Variants in CTNNBIP1 observed in about 807,000 individuals in gnomAD.
CTNNBIP1 encodes the protein catenin beta interacting protein 1.
CTNNBIP1 carries 7 observed loss-of-function variants against 11.8 expected under a neutral mutation model. That is an observed-to-expected ratio of 0.60 (90% CI 0.34 to 1.12). CTNNBIP1 has a LOEUF of 1.12. CTNNBIP1 is among the 50% of genes most tolerant of loss of function. The pLI is 0.03. For missense variants in CTNNBIP1, 101 were observed against 113.4 expected (o/e 0.89, Z 0.50); for synonymous variants, 58 against 43.9 (o/e 1.32, Z -1.26).
intron 1 of CTNNBIP1, among the ~76,000 whole-genome samples, chr1:9,895,658 G>A (rs960705886): frequency 4.0e-5 from 6 of 151,798 alleles, no homozygotes; most frequent in African/African-American, 1.5e-4. Flanking sequence ...ACCATGCCCA[G>A]CTAATTTTTT....
intron 1 of CTNNBIP1, among the ~76,000 whole-genome samples, chr1:9,890,010 T>G (rs1306008026): frequency 6.6e-6 from 1 of 152,198 alleles, no homozygotes; most frequent in African/African-American, 2.4e-5. Flanking sequence ...ATGGCCTCAC[T>G]TCAGATAATC....
At chr1:9,905,690 A>T (rs1045405199) in intron 1 of CTNNBIP1, among the ~76,000 whole-genome samples, 2 of 149,754 alleles carry the variant, frequency 1.3e-5, no homozygotes, top group African/African-American at 4.9e-5. Context: ...TCGGCCTCCC[A>T]AAGTGCTGGG....
intron 1 of CTNNBIP1, among the ~76,000 whole-genome samples, chr1:9,903,918 T>G (rs187007434): frequency 6.6e-6 from 1 of 152,178 alleles, no homozygotes; most frequent in South Asian, 2.1e-4. Flanking sequence ...TACTGCCTGG[T>G]TTGAATCTGA....
intron 5 of CTNNBIP1, among the ~76,000 whole-genome samples, chr1:9,855,442 T>C (rs189351589): frequency 2.0e-4 from 30 of 152,256 alleles, no homozygotes; most frequent in African/African-American, 7.2e-4. Flanking sequence ...GACAGACATA[T>C]AGATCAGTGG....
At chr1:9,854,437 A>G (rs1638461279) in intron 5 of CTNNBIP1, among the ~76,000 whole-genome samples, 1 of 151,850 alleles carries the variant, frequency 6.6e-6, no homozygotes. Flanking sequence ...AACGGCATCT[A>G]TGAAAATCCC....
At chr1:9,882,652 A>G (rs888656682) in intron 2 of CTNNBIP1, among the ~76,000 whole-genome samples, 4 of 152,142 alleles carry the variant, frequency 2.6e-5, no homozygotes, top group African/African-American at 9.7e-5. Flanking sequence ...GTGGAGCAGC[A>G]GGAAGCAGGA....
intron 5 of CTNNBIP1, among the ~76,000 whole-genome samples, chr1:9,855,842 C>T (rs552493380): frequency 4.6e-5 from 7 of 151,968 alleles, no homozygotes; most frequent in Admixed American, 1.3e-4. Flanking sequence ...ATTCTCTCAC[C>T]TCAGCCTCCT....
intron 2 of CTNNBIP1, among the ~76,000 whole-genome samples, chr1:9,880,910 G>A (rs982748585): frequency 8.5e-5 from 13 of 152,182 alleles, no homozygotes; most frequent in Admixed American, 2.0e-4. Flanking sequence ...CCTCTATCAC[G>A]TCTTCCCTCA....
intron 5 of CTNNBIP1, among the ~76,000 whole-genome samples, chr1:9,865,046 T>C (rs1367160141): frequency 6.6e-6 from 1 of 151,380 alleles, no homozygotes; most frequent in Non-Finnish European, 1.5e-5. Context: ...CTGGCCAACA[T>C]GGTGAAACCC....
intron 5 of CTNNBIP1, among the ~76,000 whole-genome samples, chr1:9,861,783 C>A (rs1195463306): frequency 6.6e-6 from 1 of 152,230 alleles, no homozygotes; most frequent in Non-Finnish European, 1.5e-5. Flanking sequence ...AGTACCAAGA[C>A]CCTGGAGCTG....
chr1:9,878,461 A>G (rs551822843), intron 2 of CTNNBIP1, among the ~76,000 whole-genome samples: 5 of 152,312 alleles, frequency 3.3e-5, no homozygotes, highest in South Asian at 2.1e-4. Context: ...CAGTGCATGT[A>G]TATGTGTCTG....
At position 9,872,306 on chromosome 1, in the gene CTNNBIP1, G is replaced by A. The variant is rs538533805; in HGVS notation, c.-24-218C>T. 1.3e-5 allele frequency among the ~76,000 whole-genome samples: 2 copies of A among 152,326 alleles called. No homozygotes were observed. The highest frequency in any genetic ancestry group is 2.4e-5 in the African/African-American group (1 of 41,576). Reference sequence around the variant, plus strand: ...GCAGCTCTGTTCTCCAGCAGGCGCTGCAAGGGCTGGCCTGCCTGCTGCCTC... The same window carrying A: ...GCAGCTCTGTTCTCCAGCAGGCGCTACAAGGGCTGGCCTGCCTGCTGCCTC... On this transcript the variant is annotated intron_variant, in intron 3 of 5. Transcript: ENST00000377263. The surrounding 1 kb of genome is among the most constrained non-coding windows in gnomAD (Gnocchi z 4.0).
intron 1 of CTNNBIP1, among the ~76,000 whole-genome samples, chr1:9,891,635 A>G (rs959932680): frequency 3.3e-5 from 5 of 152,128 alleles, no homozygotes; most frequent in Admixed American, 1.3e-4. Flanking sequence ...ACGCTTCCCA[A>G]TCAAACTCTT....
Position 9,899,957 on chromosome 1 carries a change from C to T in CTNNBIP1, c.-144+10138G>A, listed in dbSNP as rs975331219. Among the ~76,000 whole-genome samples the T allele has an allele frequency of 2.6e-5, 4 of 151,986 alleles. No individual in the cohort carries two copies. The East Asian group carries it at 7.7e-4, about 29-fold the overall frequency. On this transcript the variant is annotated intron_variant, in intron 1 of 5. Coordinates refer to ENST00000377263, the MANE Select transcript of CTNNBIP1 (RefSeq NM_020248.3). ...AGCCTGGTGGCACATGCCTGTAATC[C>T]CAGGTACTCGGGAGGCTGAGGCAGG...
At chr1:9,894,976 C>T (rs1446975250) in intron 1 of CTNNBIP1, among the ~76,000 whole-genome samples, 4 of 145,254 alleles carry the variant, frequency 2.8e-5, no homozygotes, top group Non-Finnish European at 5.9e-5. Flanking sequence ...GGTGCAATCT[C>T]GGCTCACTGC....
chr1:9,899,863 C>T (rs541043285), intron 1 of CTNNBIP1, among the ~76,000 whole-genome samples: 58 of 150,758 alleles, frequency 3.8e-4, no homozygotes, highest in African/African-American at 1.4e-3. Flanking sequence ...CACCTGAGGT[C>T]AGGGGTTCGA....
Position 9,893,916 on chromosome 1 carries a change from TAAGA to T in CTNNBIP1, c.-143-10182_-143-10179del, listed in dbSNP as rs947509284. 9.2e-5 allele frequency among the ~76,000 whole-genome samples: 14 copies of T among 152,234 alleles called. No individual in the cohort carries two copies. The East Asian group carries it at 2.5e-3, about 27-fold the overall frequency. ...ATAACTCACCCAAAAAAGAAGTTCC[TAAGA>T]GAGAGGGAAACTGACTATTGTACAT... On this transcript the variant is annotated intron_variant, in intron 1 of 5. Coordinates refer to ENST00000377263, the MANE Select transcript of CTNNBIP1 (RefSeq NM_020248.3).
At position 9,850,551 on chromosome 1, in the gene CTNNBIP1, T is replaced by C; in HGVS notation, c.*167A>G. 1.5e-6 allele frequency: 1 copy of C among 645,960 alleles called. No homozygotes were observed. The highest frequency in any genetic ancestry group is 2.4e-5 in the Admixed American group (1 of 41,504). The allele number at this position is 645,960 out of a possible 1,614,324, so 40.0% of individuals were successfully genotyped here. ...TATAAACGCACCACTGGTGTCTCCC[T>C]TGATGCCAGCCCCACTGAGTAGCTG... On this transcript the variant is annotated 3_prime_UTR_variant, in exon 6 of 6. Transcript: ENST00000377263.
intron 1 of CTNNBIP1, among the ~76,000 whole-genome samples, chr1:9,906,561 A>AAAAAAAAATAAT (rs1639624385): frequency 1.3e-5 from 2 of 152,076 alleles, no homozygotes; most frequent in Admixed American, 1.3e-4. Flanking sequence ...CTCCATCTAA[A>AAAAAAAAATAAT]AAAAAAAATA....
Sources: gnomAD v4.1 joint callset for allele counts (sites outside exome capture counted in the v4.1 genomes callset) on GRCh38, gnomAD v4.1.1 for gene constraint, Gnocchi (gnomAD v3.1) non-coding constraint, MANE v1.5 for transcripts, NCBI Gene and HGNC (gene_info 2026-07-23, HGNC 2026-07-21) for gene names.